SLC16A7: variants seen among roughly 807,000 people sequenced by gnomAD.
SLC16A7 encodes the protein solute carrier family 16 member 7.
Under a neutral mutation model 34.9 loss-of-function variants are expected in SLC16A7, and 33 were observed. The ratio of observed to expected loss-of-function variants is 0.94; its 90% CI spans 0.72 to 1.26. SLC16A7 has a LOEUF of 1.26. SLC16A7 is among the 50% of genes most tolerant of loss of function. The pLI is 0.00. For synonymous variants in SLC16A7, 201 were observed against 206.6 expected (o/e 0.97, Z 0.23); for missense variants, 573 against 578.1 (o/e 0.99, Z 0.09).
At chr12:59,779,151 C>CA (rs143114413) in intron 5 of SLC16A7, among the ~76,000 whole-genome samples, 79 of 151,954 alleles carry the variant, frequency 5.2e-4, no homozygotes, top group African/African-American at 1.7e-3. Flanking sequence ...TATATACACA[C>CA]AAAAAATGCC....
chr12:59,747,691 G>A (rs567292825), intron 3 of SLC16A7, among the ~76,000 whole-genome samples: 28 of 152,204 alleles, frequency 1.8e-4, no homozygotes, highest in Non-Finnish European at 3.1e-4. Flanking sequence ...CCAATTATTT[G>A]AGCAGTTCTT....
chr12:59,673,897 G>A (rs1159942709), intron 2 of SLC16A7, among the ~76,000 whole-genome samples: 2 of 151,964 alleles, frequency 1.3e-5, no homozygotes, highest in Non-Finnish European at 2.9e-5. Flanking sequence ...TATTCTTGTT[G>A]GATTTTTTTA....
At chr12:59,700,427 A>G (rs4313610) in intron 2 of SLC16A7, among the ~76,000 whole-genome samples, 1 of 150,470 alleles carries the variant, frequency 6.6e-6, no homozygotes, top group Non-Finnish European at 1.5e-5. Flanking sequence ...TATATGTCAT[A>G]TGCATATTAT....
At chr12:59,762,837 C>A (rs1005937460) in intron 3 of SLC16A7, among the ~76,000 whole-genome samples, 4 of 139,844 alleles carry the variant, frequency 2.9e-5, no homozygotes, top group Admixed American at 1.4e-4. Context: ...AAAAAAAAAT[C>A]TGATGCTCAG....
chr12:59,616,825 T>C (rs1321543608), intron 1 of SLC16A7, among the ~76,000 whole-genome samples: 1 of 152,178 alleles, frequency 6.6e-6, no homozygotes, highest in African/African-American at 2.4e-5. Context: ...CCAACATTCA[T>C]TATTTAAAAG....
intron 3 of SLC16A7, among the ~76,000 whole-genome samples, chr12:59,736,242 A>G (rs1877575090): frequency 1.3e-5 from 2 of 152,204 alleles, no homozygotes; most frequent in African/African-American, 4.8e-5. Context: ...CAATGGAGGC[A>G]AAATAATAAA....
Position 59,775,220 on chromosome 12 carries a change from A to G in SLC16A7, c.925A>G (p.Ile309Val), listed in dbSNP as rs930965590. Residue 309 changes from isoleucine (I) to valine (V), a missense_variant, in exon 5 of 6, where the codon ATT (isoleucine) becomes GTT (valine). Transcript: ENST00000547379. ...AGGATTAATTGCAAACTCCAAATAT[A>G]TTCGACCTCGAATTCAGTACTTCTT... The part of the protein sequence containing the change: ...SVGLIANSKY[I>V]RPRIQYFFSF... 14 of 1,614,030 alleles carry G rather than the reference A, an allele frequency of 8.7e-6. No homozygotes were observed. Among genetic ancestry groups the G allele is most frequent in the African/African-American group, 2.7e-5 (2 of 74,938 alleles).
rs1427955842 is a variant in SLC16A7 at position 59,774,725 on chromosome 12, C to T, written c.430C>T (p.Pro144Ser). The change falls in exon 5 of 6, where the codon CCC (proline) becomes TCC (serine). Residue 144 changes from proline (P) to serine (S), a missense_variant. Transcript: ENST00000547379. ...IIGKYFYRKRPMANGLAMAGS... is the reference protein window; with the variant it reads ...IIGKYFYRKRSMANGLAMAGS... ...TGGCAAATACTTCTATAGGAAGCGA[C>T]CCATGGCAAATGGATTGGCCATGGC... The T allele has an allele frequency of 6.2e-7, 1 of 1,613,558 alleles. No individual in the cohort carries two copies. The highest frequency in any genetic ancestry group is 2.2e-5 in the East Asian group (1 of 44,852).
At position 59,781,598 on chromosome 12, in the gene SLC16A7, A is replaced by G. The variant is rs1883248915; in HGVS notation, c.*1919A>G. ...AAGTAAAACAAGATGTGCCAATATC[A>G]TAGGTAAATAAATTAGGGAAAATGT... On this transcript the variant is annotated 3_prime_UTR_variant, in exon 6 of 6. Coordinates refer to ENST00000547379, the MANE Select transcript of SLC16A7 (RefSeq NM_001270623.2). The G allele has an allele frequency of 6.6e-6, 1 of 152,640 alleles. No individual in the cohort carries two copies. The highest frequency in any genetic ancestry group is 1.5e-5 in the Non-Finnish European group (1 of 68,040). The allele number at this position is 152,640 out of a possible 1,614,324, so 9.5% of individuals were successfully genotyped here. A position where few individuals can be genotyped will look rare whatever the true frequency, so the allele number is the denominator to read the frequency against.
At chr12:59,739,769 T>C (rs923395626) in intron 3 of SLC16A7, among the ~76,000 whole-genome samples, 4 of 152,198 alleles carry the variant, frequency 2.6e-5, no homozygotes, top group African/African-American at 9.7e-5. Context: ...CATTGTGGTT[T>C]AGATTTGCAT....
At chr12:59,724,200 G>A (rs975598209) in intron 3 of SLC16A7, among the ~76,000 whole-genome samples, 2 of 152,002 alleles carry the variant, frequency 1.3e-5, no homozygotes, top group Non-Finnish European at 2.9e-5. Flanking sequence ...TTTTGTGTGT[G>A]TGTCTCATTC....
intron 3 of SLC16A7, among the ~76,000 whole-genome samples, chr12:59,726,554 T>C (rs1453715299): frequency 1.3e-5 from 2 of 152,162 alleles, no homozygotes; most frequent in African/African-American, 4.8e-5. Flanking sequence ...TTGAATTATG[T>C]GGTCTAAAAT....
At chr12:59,636,202 G>T (rs1005579644) in intron 1 of SLC16A7, among the ~76,000 whole-genome samples, 1 of 151,974 alleles carries the variant, frequency 6.6e-6, no homozygotes, top group African/African-American at 2.4e-5. Flanking sequence ...GATATTTGAA[G>T]AAATTAAATA....
intron 2 of SLC16A7, among the ~76,000 whole-genome samples, chr12:59,692,898 C>G (rs937246614): frequency 6.6e-6 from 1 of 151,842 alleles, no homozygotes; most frequent in Non-Finnish European, 1.5e-5. Flanking sequence ...AATTTAATTA[C>G]ATGTTGGGAA....
intron 3 of SLC16A7, among the ~76,000 whole-genome samples, chr12:59,726,154 C>T (rs1876207027): frequency 6.6e-6 from 1 of 152,106 alleles, no homozygotes; most frequent in Non-Finnish European, 1.5e-5. Context: ...AGTGAGTACA[C>T]ATCTAATTTA....
intron 1 of SLC16A7, among the ~76,000 whole-genome samples, chr12:59,632,846 A>G (rs1422590998): frequency 6.6e-6 from 1 of 151,986 alleles, no homozygotes; most frequent in Non-Finnish European, 1.5e-5. Flanking sequence ...TACTTTGGGC[A>G]GTGTATGAGT....
intron 3 of SLC16A7, among the ~76,000 whole-genome samples, chr12:59,755,179 C>T (rs1418384456): frequency 6.6e-6 from 1 of 152,130 alleles, no homozygotes; most frequent in African/African-American, 2.4e-5. Flanking sequence ...GAAGCATTCC[C>T]TTTGAAAACT....
intron 2 of SLC16A7, among the ~76,000 whole-genome samples, chr12:59,659,994 A>G (rs1430127697): frequency 1.3e-5 from 2 of 152,244 alleles, no homozygotes; most frequent in Admixed American, 6.5e-5. Context: ...GATGAAAAGT[A>G]AAATATAGGT....
chr12:59,764,439 G>A (rs186297116), intron 3 of SLC16A7, among the ~76,000 whole-genome samples: 49 of 151,772 alleles, frequency 3.2e-4, no homozygotes, highest in Admixed American at 5.3e-4. Context: ...CCATTAACTC[G>A]TCATTTAGCA....
Sources: allele counts gnomAD v4.1 joint callset (sites outside exome capture counted in the v4.1 genomes callset), GRCh38; gene constraint gnomAD v4.1.1; transcripts MANE v1.5; gene names NCBI Gene and HGNC (gene_info 2026-07-23, HGNC 2026-07-21).